PTPRD: variants seen among roughly 807,000 people sequenced by gnomAD.
PTPRD encodes the protein protein tyrosine phosphatase receptor type D, also known as receptor-type tyrosine-protein phosphatase delta.
A neutral mutation model predicts 214.5 loss-of-function variants in PTPRD; 34 were observed. The observed-to-expected ratio is 0.16, with a 90% confidence interval of 0.12 to 0.21. The LOEUF is 0.21. PTPRD is among the 10% of genes least tolerant of loss of function. The pLI, the probability that PTPRD is intolerant of heterozygous loss-of-function variation, is 1.00. For missense variants in PTPRD, 2,545 were observed against 2,398.7 expected (o/e 1.06, Z -1.27); for synonymous variants, 1,128 against 845.7 (o/e 1.33, Z -5.79).
chr9:8,951,749 C>T (rs10816018), intron 11 of PTPRD, among the ~76,000 whole-genome samples: 18,302 of 151,994 alleles, frequency 0.12, 1,236 homozygotes, highest in South Asian at 0.18. Context: ...AACACTATCA[C>T]CACAGCACCC....
chr9:8,550,281 C>T (rs889179257), intron 14 of PTPRD, among the ~76,000 whole-genome samples: 5 of 151,860 alleles, frequency 3.3e-5, no homozygotes, highest in Admixed American at 6.6e-5. Flanking sequence ...TATATGGTAC[C>T]TCCCAAATTT....
chr9:8,748,659 C>T (rs2093164569), intron 11 of PTPRD, among the ~76,000 whole-genome samples: 1 of 151,956 alleles, frequency 6.6e-6, no homozygotes. Flanking sequence ...TGCATGTAAT[C>T]CCAACATTTT....
chr9:8,814,829 G>A (rs2096887382), intron 11 of PTPRD, among the ~76,000 whole-genome samples: 1 of 152,184 alleles, frequency 6.6e-6, no homozygotes, highest in Non-Finnish European at 1.5e-5. Flanking sequence ...TAACTTAGAA[G>A]AACCCTTAAC....
At chr9:9,770,058 G>A (rs1565130865) in intron 5 of PTPRD, among the ~76,000 whole-genome samples, 2 of 152,122 alleles carry the variant, frequency 1.3e-5, no homozygotes. Context: ...GAACAGTGCT[G>A]CAATAAACAT....
At chr9:9,275,130 AT>A (rs1214155066) in intron 9 of PTPRD, among the ~76,000 whole-genome samples, 5 of 51,562 alleles carry the variant, frequency 9.7e-5, no homozygotes, top group Admixed American at 3.5e-4. Context: ...TATATATATT[AT>A]ATATAATATA....
chr9:8,397,473 G>C (rs967305043), intron 36 of PTPRD, among the ~76,000 whole-genome samples: 1 of 151,982 alleles, frequency 6.6e-6, no homozygotes, highest in Admixed American at 6.6e-5. Context: ...TTTTGGTTTT[G>C]TTTTACTTAT....
At chr9:8,449,641 T>C (rs1244998339) in intron 34 of PTPRD, 84 bp downstream of exon 34, 1 of 1,220,224 alleles carries the variant, frequency 8.2e-7, no homozygotes, top group African/African-American at 1.5e-5. Flanking sequence ...CAAAATAAAG[T>C]GATACCTTCA....
intron 33 of PTPRD, among the ~76,000 whole-genome samples, chr9:8,451,327 G>A (rs2095939885): frequency 1.3e-5 from 2 of 152,058 alleles, no homozygotes; most frequent in African/African-American, 4.8e-5. Context: ...TACAGCCTTG[G>A]GACAAAATGT....
At chr9:10,263,793 C>G (rs965622900) in intron 3 of PTPRD, among the ~76,000 whole-genome samples, 3 of 152,116 alleles carry the variant, frequency 2.0e-5, no homozygotes, top group Non-Finnish European at 4.4e-5. Context: ...TGAAAACGTC[C>G]CTAGGGCATG....
chr9:9,593,225 C>G (rs645191), intron 7 of PTPRD, among the ~76,000 whole-genome samples: 1 of 149,662 alleles, frequency 6.7e-6, no homozygotes, highest in Non-Finnish European at 1.5e-5. Context: ...TTTTCCCCCC[C>G]CTCAAAGAAA....
chr9:9,325,970 G>A (rs1319649472), intron 9 of PTPRD, among the ~76,000 whole-genome samples: 1 of 151,950 alleles, frequency 6.6e-6, no homozygotes, highest in African/African-American at 2.4e-5. Flanking sequence ...TTTGTCTTCG[G>A]TTCTGTTTAT....
At chr9:9,919,503 C>T (rs977803043) in intron 5 of PTPRD, among the ~76,000 whole-genome samples, 46 of 152,088 alleles carry the variant, frequency 3.0e-4, no homozygotes, top group African/African-American at 1.0e-3. Context: ...GTGCCGCATT[C>T]GGATAATTAT....
intron 10 of PTPRD, among the ~76,000 whole-genome samples, chr9:9,121,016 T>A (rs1293867125): frequency 6.6e-6 from 1 of 152,216 alleles, no homozygotes; most frequent in African/African-American, 2.4e-5. Flanking sequence ...ATTATTATTA[T>A]CTGCTTTTAG....
chr9:9,712,610 A>G (rs1481901371), intron 7 of PTPRD, among the ~76,000 whole-genome samples: 5 of 152,138 alleles, frequency 3.3e-5, no homozygotes, highest in Non-Finnish European at 7.4e-5. Context: ...TAACACATCT[A>G]TTCTATGATA....
intron 39 of PTPRD, among the ~76,000 whole-genome samples, chr9:8,355,529 A>G (rs1441904690): frequency 6.6e-6 from 1 of 152,238 alleles, no homozygotes; most frequent in Non-Finnish European, 1.5e-5. Flanking sequence ...TAAGGATGAC[A>G]GTAGAGAGGA....
intron 34 of PTPRD, among the ~76,000 whole-genome samples, chr9:8,448,064 C>A (rs551593381): frequency 2.2e-4 from 33 of 152,084 alleles, no homozygotes; most frequent in Non-Finnish European, 3.8e-4. Context: ...GTGGCTAATG[C>A]CTGTAATCCC....
chr9:8,936,945 C>T (rs1236993687), intron 11 of PTPRD, among the ~76,000 whole-genome samples: 3 of 152,052 alleles, frequency 2.0e-5, no homozygotes, highest in African/African-American at 7.3e-5. Context: ...TTCTTATCAA[C>T]TCATCTAGTA....
intron 12 of PTPRD, among the ~76,000 whole-genome samples, chr9:8,651,190 G>C (rs72700317): frequency 0.045 from 6,897 of 152,196 alleles, 469 homozygotes; most frequent in African/African-American, 0.15. Flanking sequence ...GCGTTCTGCA[G>C]ATGTCTCCCC....
At chr9:10,332,454 C>G (rs911045206) in intron 3 of PTPRD, among the ~76,000 whole-genome samples, 6 of 151,780 alleles carry the variant, frequency 4.0e-5, no homozygotes, top group African/African-American at 1.4e-4. Context: ...GATCATACAA[C>G]TGAGGTTCAG....
Sources: gnomAD v4.1 joint callset for allele counts (sites outside exome capture counted in the v4.1 genomes callset) on GRCh38, gnomAD v4.1.1 for gene constraint, MANE v1.5 for transcripts, NCBI Gene and HGNC (gene_info 2026-07-23, HGNC 2026-07-21) for gene names.